The following NR3C2 variants were observed in gnomAD, a reference collection of about 807,000 sequenced individuals.
The protein encoded by NR3C2 is nuclear receptor subfamily 3 group C member 2.
In NR3C2, 15 loss-of-function variants were observed where a neutral mutation model predicts 86.4. The observed-to-expected ratio is 0.17, with a 90% CI of 0.12 to 0.27. The LOEUF is 0.27. NR3C2 is among the 10% of genes least tolerant of loss of function. The pLI is 1.00. For synonymous variants in NR3C2, 458 were observed against 450.5 expected, an observed-to-expected ratio of 1.02 and a Z score of -0.21; for missense variants, 960 against 1,195.6, an observed-to-expected ratio of 0.80 and a Z score of 2.91.
At chr4:148,342,144 G>A (rs1744777766) in intron 2 of NR3C2, among the ~76,000 whole-genome samples, 1 of 152,112 alleles carries the variant, frequency 6.6e-6, no homozygotes, top group African/African-American at 2.4e-5. Flanking sequence ...AAAAGAAGAT[G>A]GCTACGAGGA....
At chr4:148,380,222 T>A (rs1746899080) in intron 2 of NR3C2, among the ~76,000 whole-genome samples, 1 of 152,234 alleles carries the variant, frequency 6.6e-6, no homozygotes. Flanking sequence ...CTATGTGGCC[T>A]CTTGTGCTTG....
At position 148,195,865 on chromosome 4, in the gene NR3C2, T is replaced by C. The variant is rs75192546; in HGVS notation, c.1898-1003A>G. Among the ~76,000 whole-genome samples the C allele has an allele frequency of 2.4e-3, 373 of 152,268 alleles. 12 individuals carry two copies. The East Asian group carries it at 0.07, about 28-fold the overall frequency. On this transcript the variant is annotated intron_variant, in intron 3 of 8. Transcript: ENST00000358102. ...AAAAGACAGAGATAAAGAGCTAAGG[T>C]GAGCCACATCACATAGGTCCTTAGA...
intron 3 of NR3C2, among the ~76,000 whole-genome samples, chr4:148,257,874 A>T (rs1013907018): frequency 6.6e-6 from 1 of 152,198 alleles, no homozygotes; most frequent in African/African-American, 2.4e-5. Flanking sequence ...AAACTATATT[A>T]ATACAAGTCT....
chr4:148,188,737 C>T (rs1011505711), intron 4 of NR3C2, among the ~76,000 whole-genome samples: 3 of 152,000 alleles, frequency 2.0e-5, no homozygotes, highest in Non-Finnish European at 1.5e-5. Context: ...TTTCTCTTGT[C>T]TGATCGCTCT....
chr4:148,081,516 G>A lies in NR3C2; in HGVS notation c.2800-17C>T, dbSNP rs61763143. 5.6e-6 allele frequency: 9 copies of A among 1,613,786 alleles called. No homozygotes were observed. The South Asian group carries it at 9.9e-5, about 18-fold the overall frequency. On this transcript the variant is annotated splice_polypyrimidine_tract_variant and intron_variant, in intron 8 of 8. Transcript: ENST00000358102. ...GCTCACCAGCTGTAACACAGACACA[G>A]GGGGCATGACACGGGGGCCTCCTTT... is the stretch of plus-strand genomic sequence containing the variant.
intron 2 of NR3C2, among the ~76,000 whole-genome samples, chr4:148,310,453 G>A (rs1742851078): frequency 6.6e-6 from 1 of 152,172 alleles, no homozygotes; most frequent in Admixed American, 6.5e-5. Context: ...TCTATTTGCT[G>A]TCACATGGAC....
intron 2 of NR3C2, among the ~76,000 whole-genome samples, chr4:148,412,901 C>G (rs778427449): frequency 1.3e-4 from 20 of 152,088 alleles, no homozygotes; most frequent in Non-Finnish European, 2.4e-4. Flanking sequence ...CCCCAGGTGA[C>G]AAACTGTTGA....
intron 2 of NR3C2, among the ~76,000 whole-genome samples, chr4:148,359,289 A>C (rs1745722613): frequency 6.6e-6 from 1 of 152,200 alleles, no homozygotes; most frequent in Non-Finnish European, 1.5e-5. Flanking sequence ...GAAAAAAAAG[A>C]AAGCTAATAA....
At chr4:148,121,147 G>A (rs1410247805) in intron 6 of NR3C2, among the ~76,000 whole-genome samples, 2 of 152,204 alleles carry the variant, frequency 1.3e-5, no homozygotes, top group Non-Finnish European at 2.9e-5. Flanking sequence ...GGTGAAAAAT[G>A]GGAAAGGACT....
rs1450584315 is a variant in NR3C2 at position 148,273,474 on chromosome 4, T to A, written c.1758-13357A>T. Among the ~76,000 whole-genome samples, 4 of 152,184 alleles carry A rather than the reference T, an allele frequency of 2.6e-5. No individual in the cohort carries two copies. In the East Asian group the frequency reaches 5.8e-4, roughly 22 times the overall value. Reference sequence around the variant, plus strand: ...GCTTTAAAGATTATGGTCGCTAAATTTTTTTATATATAGTAAAATAATGTT... The same window carrying A: ...GCTTTAAAGATTATGGTCGCTAAATATTTTTATATATAGTAAAATAATGTT... On this transcript the variant is annotated intron_variant, in intron 2 of 8. Transcript: ENST00000358102.
chr4:148,128,374 T>C lies in NR3C2; in HGVS notation c.2511-8086A>G, dbSNP rs73853756. Among the ~76,000 whole-genome samples, 1,007 of 152,320 alleles carry C rather than the reference T, an allele frequency of 6.6e-3. 12 individuals are homozygous for C. The highest frequency in any genetic ancestry group is 0.023 in the African/African-American group (958 of 41,564). The stretch of plus-strand genomic sequence containing the variant: ...TTCTAGAAGTAGTTGATTTGAGAAA[T>C]TATTGCCCCAAATTAAATGTAATCG... On this transcript the variant is annotated intron_variant, in intron 6 of 8. Transcript: ENST00000358102.
chr4:148,406,256 C>G (rs1443904632), intron 2 of NR3C2, among the ~76,000 whole-genome samples: 1 of 151,948 alleles, frequency 6.6e-6, no homozygotes, highest in South Asian at 2.1e-4. Flanking sequence ...GAGAGTTAAA[C>G]AAGTAATAAT....
rs143405141 is a variant in NR3C2 at position 148,142,651 on chromosome 4, C to T, written c.2510+9818G>A. On this transcript the variant is annotated intron_variant, in intron 6 of 8. Transcript: ENST00000358102. ...CTGGGACCACAGGTGTGCACCACCA[C>T]GCCAGACTAATTTTTTGTATTTTTG... Among the ~76,000 whole-genome samples, 278 of 152,248 alleles carry T rather than the reference C, an allele frequency of 1.8e-3. 1 individual carries two copies. The highest frequency in any genetic ancestry group is 6.3e-3 in the African/African-American group (263 of 41,556).
chr4:148,260,698 T>G (rs1740054009), intron 2 of NR3C2, among the ~76,000 whole-genome samples: 1 of 152,200 alleles, frequency 6.6e-6, no homozygotes, highest in African/African-American at 2.4e-5. Context: ...TTCATTTTGC[T>G]TTCTAATTTG....
intron 6 of NR3C2, among the ~76,000 whole-genome samples, chr4:148,127,727 T>C (rs1732818939): frequency 6.6e-6 from 1 of 152,238 alleles, no homozygotes; most frequent in Non-Finnish European, 1.5e-5. Flanking sequence ...AAAGTGGGTC[T>C]AGAGACCCAT....
At chr4:148,137,570 T>C (rs1733403687) in intron 6 of NR3C2, among the ~76,000 whole-genome samples, 1 of 152,220 alleles carries the variant, frequency 6.6e-6, no homozygotes, top group Non-Finnish European at 1.5e-5. Context: ...AGATTAAGTC[T>C]TTCTTGAATG....
At chr4:148,200,769 G>A (rs956269476) in intron 3 of NR3C2, among the ~76,000 whole-genome samples, 2 of 152,136 alleles carry the variant, frequency 1.3e-5, no homozygotes, top group African/African-American at 4.8e-5. Context: ...ATGAATGGTA[G>A]CTGTTATCGC....
chr4:148,153,334 C>A (rs998018970), intron 5 of NR3C2, among the ~76,000 whole-genome samples: 1 of 152,060 alleles, frequency 6.6e-6, no homozygotes, highest in South Asian at 2.1e-4. Flanking sequence ...CCTGCCAGGA[C>A]GCCCAACTAA....
intron 4 of NR3C2, among the ~76,000 whole-genome samples, chr4:148,178,148 G>C (rs997633204): frequency 6.8e-6 from 1 of 146,748 alleles, no homozygotes; most frequent in Non-Finnish European, 1.5e-5. Context: ...CACCAGTCTG[G>C]CAAACATGGT....
Sources: gnomAD v4.1 joint callset for allele counts (sites outside exome capture counted in the v4.1 genomes callset) on GRCh38, gnomAD v4.1.1 for gene constraint, MANE v1.5 for transcripts, NCBI Gene and HGNC (gene_info 2026-07-23, HGNC 2026-07-21) for gene names.